RMDN2: variants seen among roughly 807,000 people sequenced by gnomAD.
RMDN2 encodes regulator of microtubule dynamics protein 2.
A neutral mutation model predicts 52.8 loss-of-function variants in RMDN2; 61 were observed. That is an observed-to-expected ratio of 1.16 (90% CI 0.94 to 1.43). The LOEUF (loss-of-function observed/expected upper bound fraction) is 1.43, where lower values mean the gene tolerates loss of function less well. RMDN2 is among the 40% of genes most tolerant of loss of function. The pLI is 0.00. For synonymous variants in RMDN2, 180 were observed against 153.1 expected, an observed-to-expected ratio of 1.18 and a Z score of -1.30; for missense variants, 592 against 475.3, an observed-to-expected ratio of 1.25 and a Z score of -2.28.
rs565548812 is a variant in RMDN2, at chr2:38,017,221, G to T, written c.1215G>T (p.Met405Ile). 6 of 1,533,528 alleles carry T rather than the reference G, an allele frequency of 3.9e-6. No individual in the cohort carries two copies. Among genetic ancestry groups the T allele is most frequent in the Admixed American group, 4.1e-5 (2 of 48,814 alleles). The allele number at this position is 1,533,528 out of a possible 1,614,324, so 95.0% of individuals were successfully genotyped here. ...KEAQKEMQKI[M>I]TSLKR ...CACAGAAAGAGATGCAAAAAATAAT[G>T]ACTTCCTTGAAGAGGTAAATAAACG... Residue 405 changes from methionine to isoleucine, a missense_variant, in exon 11 of 11, where the codon ATG becomes ATT. By Grantham distance (10) the Met-to-Ile change is conservative. Transcript: ENST00000354545.
intron 10 of RMDN2, among the ~76,000 whole-genome samples, chr2:38,065,540 T>C (rs531202169): frequency 3.9e-5 from 6 of 152,264 alleles, no homozygotes; most frequent in African/African-American, 1.4e-4. Context: ...GTAGGTCCAG[T>C]CATTCTGTTT....
chr2:37,937,192 T>C (rs1667370961), intron 2 of RMDN2, among the ~76,000 whole-genome samples: 1 of 152,220 alleles, frequency 6.6e-6, no homozygotes, highest in African/African-American at 2.4e-5. Flanking sequence ...TTTGTCAGGT[T>C]TGTCAAAGAT....
intron 2 of RMDN2, among the ~76,000 whole-genome samples, chr2:37,948,024 C>A (rs1402000492): frequency 6.6e-6 from 1 of 152,154 alleles, no homozygotes; most frequent in Non-Finnish European, 1.5e-5. Flanking sequence ...CTGTGAGGTA[C>A]CTCAGAAGAC....
At chr2:37,971,339 T>G (rs1671782489) in intron 2 of RMDN2, among the ~76,000 whole-genome samples, 1 of 152,118 alleles carries the variant, frequency 6.6e-6, no homozygotes, top group Non-Finnish European at 1.5e-5. Flanking sequence ...GAGTATTGTT[T>G]CCTCCGCTAA....
chr2:37,938,889 A>G (rs977884886), intron 2 of RMDN2, among the ~76,000 whole-genome samples: 9 of 152,048 alleles, frequency 5.9e-5, no homozygotes, highest in Admixed American at 2.0e-4. Flanking sequence ...TTTGATCTCT[A>G]TCTCCTTCAG....
chr2:38,031,038 A>G (rs1252902411), intron 10 of RMDN2, among the ~76,000 whole-genome samples: 2 of 152,136 alleles, frequency 1.3e-5, no homozygotes, highest in Admixed American at 6.5e-5. Context: ...TTAATTGGCC[A>G]AGAACATTTA....
chr2:38,048,257 G>A (rs1027663843), intron 10 of RMDN2, among the ~76,000 whole-genome samples: 1 of 152,104 alleles, frequency 6.6e-6, no homozygotes, highest in Non-Finnish European at 1.5e-5. Flanking sequence ...GAAATGATTG[G>A]GTCCATTTCC....
rs540049478 is a variant in RMDN2 at position 38,006,021 on chromosome 2, A to G, written c.1179+1805A>G. On this transcript the variant is annotated intron_variant, in intron 10 of 10. Transcript: ENST00000354545. Reference sequence around the variant, plus strand: ...AAAGATCAGATGGTTGTAGATATGCAGCATTATTTCTGAGGGCTCTGTTCT... The same window carrying G: ...AAAGATCAGATGGTTGTAGATATGCGGCATTATTTCTGAGGGCTCTGTTCT... 9.2e-5 allele frequency among the ~76,000 whole-genome samples: 14 copies of G among 152,166 alleles called. No individual in the cohort carries two copies. In the South Asian group the frequency reaches 1.9e-3, roughly 20 times the overall value.
rs115561753 is a variant in RMDN2, at chr2:37,997,334, C to G, written c.946-82C>G. ...CACACACACACGTATATACACATAACACACACACGTCTAACTGGGGAGAGA... is the reference window on the plus strand; with the variant it reads ...CACACACACACGTATATACACATAAGACACACACGTCTAACTGGGGAGAGA... On this transcript the variant is annotated intron_variant, in intron 7 of 10. Coordinates refer to ENST00000354545, the MANE Select transcript of RMDN2 (RefSeq NM_001170791.3). 4.0e-3 allele frequency: 3,328 copies of G among 840,588 alleles called. 80 individuals are homozygous for G. The African/African-American group carries it at 0.049, about 12-fold the overall frequency. 52.1% of individuals were successfully genotyped at this position (840,588 alleles called of 1,614,324 possible).
Position 38,005,366 on chromosome 2 carries a change from G to A in RMDN2, c.1179+1150G>A, listed in dbSNP as rs534354324. On this transcript the variant is annotated intron_variant, in intron 10 of 10. Coordinates refer to ENST00000354545, the MANE Select transcript of RMDN2 (RefSeq NM_001170791.3). ...CTCCACATCCTCTCCAGCACCTGTT[G>A]TTTCCTGACTTTTTAATGATTGCCA... Among the ~76,000 whole-genome samples, 427 of 152,216 alleles carry A rather than the reference G, an allele frequency of 2.8e-3. 1 individual carries two copies. Among genetic ancestry groups the A allele is most frequent in the Non-Finnish European group, 4.9e-3 (331 of 68,000 alleles).
At chr2:37,941,433 TCTG>T (rs2124928474) in intron 2 of RMDN2, among the ~76,000 whole-genome samples, 2 of 152,338 alleles carry the variant, frequency 1.3e-5, no homozygotes, top group South Asian at 4.1e-4. Context: ...TGGTGGGAGA[TCTG>T]CTGCTCTCTT....
intron 1 of RMDN2, among the ~76,000 whole-genome samples, chr2:37,925,664 C>T (rs563790358): frequency 1.2e-4 from 19 of 152,234 alleles, no homozygotes; most frequent in South Asian, 2.1e-4. Flanking sequence ...AAGCCCTAGC[C>T]CCGGAGGTCG....
At chr2:38,061,018 A>G (rs1197152077) in intron 10 of RMDN2, among the ~76,000 whole-genome samples, 2 of 152,010 alleles carry the variant, frequency 1.3e-5, no homozygotes, top group African/African-American at 2.4e-5. Context: ...ATCAGTGTGG[A>G]GTCCTTTGGT....
intron 2 of RMDN2, among the ~76,000 whole-genome samples, chr2:37,933,024 C>T (rs1362962997): frequency 1.4e-5 from 2 of 146,946 alleles, no homozygotes; most frequent in African/African-American, 2.5e-5. Context: ...TCAGACGGGG[C>T]GGCTGCCGGG....
At chr2:38,015,963 G>C (rs548487037) in intron 10 of RMDN2, among the ~76,000 whole-genome samples, 2 of 152,314 alleles carry the variant, frequency 1.3e-5, no homozygotes, top group South Asian at 2.1e-4. Context: ...AATAACCTGA[G>C]CTCCAAACCA....
chr2:38,012,985 A>G (rs890258166), intron 10 of RMDN2, among the ~76,000 whole-genome samples: 1 of 152,218 alleles, frequency 6.6e-6, no homozygotes, highest in Admixed American at 6.5e-5. Flanking sequence ...GCTAGTTGAT[A>G]TTGGGAGTGT....
At chr2:37,975,450 C>T in intron 4 of RMDN2, 136 bp downstream of exon 4, 1 of 543,802 alleles carries the variant, frequency 1.8e-6, no homozygotes, top group South Asian at 2.0e-5. Context: ...AGCAAACTAA[C>T]ACAAGAACAG....
At chr2:37,938,418 T>G (rs1370180254) in intron 2 of RMDN2, among the ~76,000 whole-genome samples, 2 of 152,220 alleles carry the variant, frequency 1.3e-5, no homozygotes, top group East Asian at 1.9e-4. Flanking sequence ...ATAAAATGAG[T>G]TAGGGAGGAG....
At chr2:37,980,971 A>G (rs182490648) in intron 4 of RMDN2, among the ~76,000 whole-genome samples, 21 of 152,302 alleles carry the variant, frequency 1.4e-4, no homozygotes, top group Non-Finnish European at 2.4e-4. Context: ...GAAAATTTCT[A>G]TTACGCTTTG....
Sources: gnomAD v4.1 joint callset for allele counts (sites outside exome capture counted in the v4.1 genomes callset) on GRCh38, gnomAD v4.1.1 for gene constraint, MANE v1.5 for transcripts, NCBI Gene and HGNC (gene_info 2026-07-23, HGNC 2026-07-21) for gene names.